The following ATP13A2 variants were observed in gnomAD, a reference collection of about 807,000 sequenced individuals.
ATP13A2 encodes ATPase cation transporting 13A2.
A neutral mutation model predicts 138.3 loss-of-function variants in ATP13A2; 83 were observed. The ratio of observed to expected loss-of-function variants is 0.60; its 90% confidence interval spans 0.50 to 0.72. The LOEUF is 0.72. Among genes scored for constraint, ATP13A2 ranks in the 30% least tolerant of loss-of-function variants. The probability of loss-of-function intolerance (pLI) is 0.00; values close to 1 mark genes in which losing one functional copy is unlikely to be tolerated. For missense variants in ATP13A2, 1,402 were observed against 1,606.4 expected (o/e 0.87, Z 2.17); for synonymous variants, 663 against 699.0 (o/e 0.95, Z 0.81).
At chr1:17,003,125 C>T (rs900660253) in intron 6 of ATP13A2, among the ~76,000 whole-genome samples, 5 of 152,128 alleles carry the variant, frequency 3.3e-5, no homozygotes, top group Non-Finnish European at 7.4e-5. Context: ...GACTGAAGTC[C>T]GGGTGTCCAC....
intron 12 of ATP13A2, 107 bp from the exon 13 acceptor site, chr1:16,996,603 T>C: frequency 1.1e-6 from 1 of 887,910 alleles, no homozygotes; most frequent in Middle Eastern, 3.1e-4. Flanking sequence ...GACATGATGT[T>C]TGTGAAATTA....
chr1:16,993,683 C>T lies in ATP13A2; in HGVS notation c.1695G>A (p.Gln565=), dbSNP rs768775312. 1 of 1,596,178 alleles carries T rather than the reference C, an allele frequency of 6.3e-7. No individual in the cohort carries two copies. The highest frequency in any genetic ancestry group is 1.7e-5 in the Admixed American group (1 of 57,492). ...LATCHALSRL[Q]DTPVGDPMDL... ...CCATGGGGTCGCCCACGGGGGTGTC[C>T]TGGAGCCGGCTGAGGGCATGGCAGG... Residue 565 remains glutamine, a synonymous_variant, in exon 16 of 29, where the codon CAG becomes CAA. Transcript: ENST00000326735.
chr1:16,994,340 C>T (rs924118733), intron 15 of ATP13A2, among the ~76,000 whole-genome samples: 19 of 151,944 alleles, frequency 1.3e-4, no homozygotes, highest in Admixed American at 5.9e-4. Context: ...TCAAGTGATT[C>T]TCCTGCCTCA....
chr1:16,993,673 C>A lies in ATP13A2; in HGVS notation c.1705G>T (p.Val569Leu), dbSNP rs778787124. ...ATCTTCAAGTCCATGGGGTCGCCCACGGGGGTGTCCTGGAGCCGGCTGAGG... is the reference window on the plus strand; with the variant it reads ...ATCTTCAAGTCCATGGGGTCGCCCAAGGGGGTGTCCTGGAGCCGGCTGAGG... The part of the protein sequence containing the change: ...HALSRLQDTP[V>L]GDPMDLKMVE... The change falls in exon 16 of 29, where the codon GTG becomes TTG. Residue 569 changes from valine to leucine, a missense_variant. Physicochemically the swap from Val to Leu is conservative, Grantham distance 32. Coordinates refer to ENST00000326735, the MANE Select transcript of ATP13A2 (RefSeq NM_022089.4). 8 of 1,595,914 alleles carry A rather than the reference C, an allele frequency of 5.0e-6. No individual in the cohort carries two copies. The highest frequency in any genetic ancestry group is 2.7e-5 in the African/African-American group (2 of 74,754).
chr1:16,999,973 G>T, intron 11 of ATP13A2, 38 bp downstream of exon 11: 1 of 1,570,534 alleles, frequency 6.4e-7, no homozygotes, highest in East Asian at 2.3e-5. Flanking sequence ...GGATGGCAGG[G>T]GAGGAAGGAA....
chr1:16,996,394 G>C lies in ATP13A2; in HGVS notation c.1298C>G (p.Ser433Cys). The change falls in exon 13 of 29, where the codon TCT becomes TGT. Residue 433 changes from serine (S) to cysteine (C), a missense_variant. Ser to Cys is a moderately radical substitution (Grantham distance 112). Transcript: ENST00000326735. ...KHSMKFVAAL[S>C]VLALLGTIYS... ...TGCAGGGGGCCACTCACCCAGGACAGAGAGGGCAGCCACAAACTTCATGCT... is the reference window on the plus strand; with the variant it reads ...TGCAGGGGGCCACTCACCCAGGACACAGAGGGCAGCCACAAACTTCATGCT... 3.1e-6 allele frequency: 5 copies of C among 1,614,138 alleles called. No homozygotes were observed. Among genetic ancestry groups the C allele is most frequent in the Non-Finnish European group, 4.2e-6 (5 of 1,180,012 alleles).
chr1:16,999,049 G>T (rs2077243987), intron 11 of ATP13A2, among the ~76,000 whole-genome samples: 1 of 152,042 alleles, frequency 6.6e-6, no homozygotes, highest in Admixed American at 6.6e-5. Context: ...GTGCCATCTG[G>T]AATCTTTATG....
rs112012801 is a variant in ATP13A2, at chr1:17,007,282, G to C, written c.11-1504C>G. On this transcript the variant is annotated intron_variant, in intron 1 of 28. Transcript: ENST00000326735. ...GCTCCAGAGCGGGTAGAGCTCACCAGCCCCACCCTTGGACAGCCTCTGTCA... is the reference window on the plus strand; with the variant it reads ...GCTCCAGAGCGGGTAGAGCTCACCACCCCCACCCTTGGACAGCCTCTGTCA... Among the ~76,000 whole-genome samples, 172 of 152,242 alleles carry C rather than the reference G, an allele frequency of 1.1e-3. 1 individual carries two copies. The highest frequency in any genetic ancestry group is 3.9e-3 in the African/African-American group (164 of 41,550).
At position 16,986,878 on chromosome 1, in the gene ATP13A2, G is replaced by A; in HGVS notation, c.3162C>T (p.Ser1054=). ...NYENTVVFSL[S]SFQYLILAAA... Reference sequence around the variant, plus strand: ...CAGCCAGGATGAGGTACTGGAAGCTGGACAGAGAGAAGACCACGGTGTTCT... The same window carrying A: ...CAGCCAGGATGAGGTACTGGAAGCTAGACAGAGAGAAGACCACGGTGTTCT... The change falls in exon 27 of 29, where the codon TCC becomes TCT. Residue 1054 remains serine, a synonymous_variant. Coordinates refer to ENST00000326735, the MANE Select transcript of ATP13A2 (RefSeq NM_022089.4). This position sits in a 1 kb window ranked among gnomAD's most constrained non-coding sequence, Gnocchi z 6.9. The A allele has an allele frequency of 6.2e-7, 1 of 1,614,098 alleles. No individual in the cohort carries two copies.
At position 17,000,428 on chromosome 1, in the gene ATP13A2, A is replaced by G. The variant is rs1293333906; in HGVS notation, c.812T>C (p.Ile271Thr). The change falls in exon 9 of 29, where the codon ATC (isoleucine) becomes ACC (threonine). Residue 271 changes from isoleucine to threonine, a missense_variant. Physicochemically the swap from Ile to Thr is moderately conservative, Grantham distance 89. Coordinates refer to ENST00000326735, the MANE Select transcript of ATP13A2 (RefSeq NM_022089.4). ...LCIFLISSISICLSLYKTRKQ... is the reference protein window; with the variant it reads ...LCIFLISSISTCLSLYKTRKQ... ...TCTGGTCTTGTACAGCGACAGGCAG[A>G]TGGAGATGGAGGAAATGAGGAAGAT... is the stretch of plus-strand genomic sequence containing the variant. 2 of 1,614,006 alleles carry G rather than the reference A, an allele frequency of 1.2e-6. No individual in the cohort carries two copies. Among genetic ancestry groups the G allele is most frequent in the East Asian group, 4.5e-5 (2 of 44,874 alleles).
chr1:16,990,667 T>C (rs1570785371), intron 20 of ATP13A2, among the ~76,000 whole-genome samples: 1 of 150,172 alleles, frequency 6.7e-6, no homozygotes, highest in Non-Finnish European at 1.5e-5. Context: ...TACAGGAGGG[T>C]GCGACCACAC....
Position 16,991,842 on chromosome 1 carries a change from C to A in ATP13A2, c.2143G>T (p.Asp715Tyr). 1 of 1,614,128 alleles carries A rather than the reference C, an allele frequency of 6.2e-7. No individual in the cohort carries two copies. Among genetic ancestry groups the A allele is most frequent in the Non-Finnish European group, 8.5e-7 (1 of 1,180,046 alleles). Residue 715 changes from aspartate (D) to tyrosine (Y), a missense_variant, in exon 20 of 29, where the codon GAC (aspartate) becomes TAC (tyrosine). Physicochemically the swap from Asp to Tyr is radical, Grantham distance 160. Transcript: ENST00000326735. The part of the protein sequence containing the change: ...QQLTRDTVEG[D>Y]LSLLGLLVMR... ...ACCAGCAGCCCCAGGAGGCTCAGGT[C>A]TCCTTCCACAGTGTCCCTGGAGGGT...
chr1:16,991,231 G>A (rs557618784), intron 20 of ATP13A2, among the ~76,000 whole-genome samples: 7 of 151,942 alleles, frequency 4.6e-5, no homozygotes, highest in African/African-American at 1.4e-4. Flanking sequence ...GATTACAGGC[G>A]TGAGACACTG....
Position 17,005,182 on chromosome 1 carries a change from G to A in ATP13A2, c.289-110C>T, listed in dbSNP as rs547998670. The A allele has an allele frequency of 4.0e-6, 6 of 1,510,562 alleles. No homozygotes were observed. In the African/African-American group the frequency reaches 4.1e-5, roughly 10 times the overall value. 93.6% of individuals were successfully genotyped at this position (1,510,562 alleles called of 1,614,324 possible). ...AGAAGGCAGAAATCAAGGCTATGGA[G>A]AGCCCTCCAGAAACCACCCGACCCG... On this transcript the variant is annotated intron_variant, in intron 3 of 28. Transcript: ENST00000326735.
At chr1:17,001,939 T>A (rs1046850667) in intron 8 of ATP13A2, 95 bp downstream of exon 8, 24 of 1,292,242 alleles carry the variant, frequency 1.9e-5, no homozygotes, top group Non-Finnish European at 2.5e-5. Flanking sequence ...GCTGGTCTGG[T>A]TGCCACCGTA....
chr1:16,994,218 A>ATTTATT (rs753777367), intron 15 of ATP13A2, among the ~76,000 whole-genome samples: 1 of 148,502 alleles, frequency 6.7e-6, no homozygotes, highest in Non-Finnish European at 1.5e-5. Context: ...TTATTTATTT[A>ATTTATT]TTTATTTTTA....
intron 1 of ATP13A2, among the ~76,000 whole-genome samples, chr1:17,010,083 T>TCC (rs377345453): frequency 2.9e-5 from 4 of 136,684 alleles, no homozygotes; most frequent in African/African-American, 1.1e-4. Flanking sequence ...GATGGAGTCT[T>TCC]CCCCCCCCGT....
chr1:16,987,885 G>A (rs533633415), intron 25 of ATP13A2, among the ~76,000 whole-genome samples: 2 of 152,320 alleles, frequency 1.3e-5, no homozygotes, highest in South Asian at 4.1e-4. Flanking sequence ...AGCTCCCAGA[G>A]TTGCGGTCAA....
intron 23 of ATP13A2, among the ~76,000 whole-genome samples, chr1:16,989,005 C>T (rs375154669): frequency 1.3e-5 from 2 of 151,926 alleles, no homozygotes; most frequent in African/African-American, 4.8e-5. Flanking sequence ...CTGCTCACTA[C>T]AACCTCCTCT....
Sources: allele counts gnomAD v4.1 joint callset (sites outside exome capture counted in the v4.1 genomes callset), GRCh38; gene constraint gnomAD v4.1.1; non-coding constraint Gnocchi (gnomAD v3.1); transcripts MANE v1.5; gene names NCBI Gene and HGNC (gene_info 2026-07-23, HGNC 2026-07-21).